LMBR1: variants seen among roughly 807,000 people sequenced by gnomAD.
LMBR1 encodes limb region 1 protein homolog.
A neutral mutation model predicts 73.9 loss-of-function variants in LMBR1; 52 were observed. That is an observed-to-expected ratio of 0.70 (90% CI 0.56 to 0.89). LMBR1 has a LOEUF of 0.89. Ranked by LOEUF, LMBR1 falls within the 40% of genes least tolerant of loss-of-function variation. The probability of loss-of-function intolerance (pLI) is 0.00; values close to 1 mark genes in which losing one functional copy is unlikely to be tolerated. For missense variants in LMBR1, 539 were observed against 579.8 expected (o/e 0.93, Z 0.72); for synonymous variants, 215 against 209.4 (o/e 1.03, Z -0.23).
chr7:156,790,398 A>C (rs978719100), intron 5 of LMBR1, among the ~76,000 whole-genome samples: 2 of 152,096 alleles, frequency 1.3e-5, no homozygotes, highest in Non-Finnish European at 2.9e-5. Context: ...ATGTGGACAC[A>C]ATGAAATATG....
intron 1 of LMBR1, among the ~76,000 whole-genome samples, chr7:156,871,166 T>C (rs888074774): frequency 2.6e-5 from 4 of 152,164 alleles, no homozygotes; most frequent in African/African-American, 9.6e-5. Context: ...AACAGCCATA[T>C]GCCAACAAAC....
At chr7:156,689,090 G>A (rs1028719469) in intron 15 of LMBR1, among the ~76,000 whole-genome samples, 6 of 152,046 alleles carry the variant, frequency 3.9e-5, no homozygotes, top group African/African-American at 1.4e-4. Context: ...CTTAAAAATA[G>A]TTTAAATAGT....
chr7:156,886,498 A>G (rs1167161581), intron 1 of LMBR1, among the ~76,000 whole-genome samples: 1 of 152,226 alleles, frequency 6.6e-6, no homozygotes, highest in African/African-American at 2.4e-5. Flanking sequence ...GAAGGCACTG[A>G]AGTGCACAGC....
chr7:156,718,238 A>G (rs1055543385), intron 15 of LMBR1, among the ~76,000 whole-genome samples: 2 of 151,986 alleles, frequency 1.3e-5, no homozygotes, highest in Non-Finnish European at 2.9e-5. Context: ...CGTCTCTACT[A>G]AAAATACAAA....
chr7:156,892,694 G>A (rs1284273601), intron 1 of LMBR1: 5 of 332,024 alleles, frequency 1.5e-5, no homozygotes, highest in African/African-American at 2.6e-5. Flanking sequence ...AGGCAAGAGC[G>A]GAGCGGGGGG....
chr7:156,879,529 T>C (rs1167102448), intron 1 of LMBR1, among the ~76,000 whole-genome samples: 1 of 152,002 alleles, frequency 6.6e-6, no homozygotes, highest in Non-Finnish European at 1.5e-5. Flanking sequence ...CCAGGCGTGG[T>C]GGCAGGTGCC....
At chr7:156,846,317 G>A (rs1355529310) in intron 1 of LMBR1, among the ~76,000 whole-genome samples, 1 of 151,876 alleles carries the variant, frequency 6.6e-6, no homozygotes, top group East Asian at 1.9e-4. Context: ...AAACAAAGAT[G>A]CCAAATATGC....
chr7:156,797,323 T>TA (rs1357751900), intron 4 of LMBR1, among the ~76,000 whole-genome samples: 3 of 152,064 alleles, frequency 2.0e-5, no homozygotes, highest in Non-Finnish European at 2.9e-5. Context: ...TTTTTACAGG[T>TA]AAAAAAATAA....
chr7:156,756,354 A>AT (rs545488053), intron 9 of LMBR1, 39 bp downstream of exon 9: 12 of 982,714 alleles, frequency 1.2e-5, no homozygotes, highest in African/African-American at 4.9e-5. Flanking sequence ...AATTAAAAAG[A>AT]TTTTTTTATC....
At position 156,678,125 on chromosome 7, in the gene LMBR1, G is replaced by C. The variant is rs1804390853; in HGVS notation, c.*5953C>G. On this transcript the variant is annotated 3_prime_UTR_variant, in exon 17 of 17. Coordinates refer to ENST00000353442, the MANE Select transcript of LMBR1 (RefSeq NM_022458.4). Reference sequence around the variant, plus strand: ...TCCGGGGCTTTCTCATCACATCTGTGAGCCATGCCATCCACCCCGTAAACC... The same window carrying C: ...TCCGGGGCTTTCTCATCACATCTGTCAGCCATGCCATCCACCCCGTAAACC... 1.3e-5 allele frequency: 2 copies of C among 152,282 alleles called. No individual in the cohort carries two copies. The highest frequency in any genetic ancestry group is 2.1e-4 in the South Asian group (1 of 4,830). The allele number at this position is 152,282 out of a possible 1,614,324, so 9.4% of individuals were successfully genotyped here.
downstream of LMBR1, chr7:156,676,133 G>A (rs890143212): frequency 2.8e-5 from 26 of 942,432 alleles, no homozygotes; most frequent in Middle Eastern, 6.6e-4. Flanking sequence ...TTAGGGTGAC[G>A]GCAAAGGTCC....
intron 9 of LMBR1, among the ~76,000 whole-genome samples, chr7:156,753,753 G>T (rs1821327818): frequency 1.3e-5 from 2 of 152,096 alleles, no homozygotes; most frequent in Non-Finnish European, 2.9e-5. Context: ...GTGCTGTGGG[G>T]AAGGGGAAGG....
At position 156,783,998 on chromosome 7, in the gene LMBR1, GT is replaced by G. The variant is rs59262090; in HGVS notation, c.423+12390del. Among the ~76,000 whole-genome samples the G allele has an allele frequency of 2.3e-3, 317 of 135,908 alleles. 1 individual carries two copies. The highest frequency in any genetic ancestry group is 2.5e-3 in the Non-Finnish European group (154 of 61,534). 89.2% of individuals were successfully genotyped at this position (135,908 alleles called of 152,430 possible). A position where few individuals can be genotyped will look rare whatever the true frequency, so the allele number is the denominator to read the frequency against. On this transcript the variant is annotated intron_variant, in intron 5 of 16. Coordinates refer to ENST00000353442, the MANE Select transcript of LMBR1 (RefSeq NM_022458.4). ...TTTTTGTTATTTTGGGTTTTTTTCT[GT>G]TTTTTTTTTTTTTACAGCATCACAC...
intron 5 of LMBR1, among the ~76,000 whole-genome samples, chr7:156,768,383 A>C (rs771958503): frequency 6.6e-6 from 1 of 152,168 alleles, no homozygotes; most frequent in Non-Finnish European, 1.5e-5. Flanking sequence ...AAAGTAAATA[A>C]ATAAATACAA....
rs1457322082 is a variant in LMBR1, at chr7:156,686,000, C to A, written c.1388-1837G>T. Among the ~76,000 whole-genome samples, 3 of 152,078 alleles carry A rather than the reference C, an allele frequency of 2.0e-5. No homozygotes were observed. The highest frequency in any genetic ancestry group is 7.2e-5 in the African/African-American group (3 of 41,406). ...ATGGGAAGGGAAAAAAGAAATCAAT[C>A]CAACACAAAAAATGGTCAGGTCCCA... On this transcript the variant is annotated intron_variant, in intron 16 of 16. Transcript: ENST00000353442. This position sits in a 1 kb window ranked among gnomAD's most constrained non-coding sequence, Gnocchi z 4.1.
Position 156,800,482 on chromosome 7 carries a change from C to CAA in LMBR1, c.320-3992_320-3991dup, listed in dbSNP as rs1245017996. On this transcript the variant is annotated intron_variant, in intron 4 of 16. Coordinates refer to ENST00000353442, the MANE Select transcript of LMBR1 (RefSeq NM_022458.4). ...AAGCCTACTGTTAAGACTTGCTACT[C>CAA]AAAAAAAAAAAAAAAAAAGATTTTC... 1.7e-3 allele frequency among the ~76,000 whole-genome samples: 135 copies of CAA among 81,016 alleles called. 4 individuals are homozygous for CAA. Among genetic ancestry groups the CAA allele is most frequent in the African/African-American group, 5.4e-3 (111 of 20,516 alleles). 53.1% of individuals were successfully genotyped at this position (81,016 alleles called of 152,430 possible).
At chr7:156,824,093 A>C (rs899647850) in intron 4 of LMBR1, among the ~76,000 whole-genome samples, 4 of 150,088 alleles carry the variant, frequency 2.7e-5, no homozygotes, top group Admixed American at 6.6e-5. Flanking sequence ...CCATCTCAAA[A>C]AACAACAACA....
chr7:156,842,397 C>T (rs76377594), intron 1 of LMBR1, among the ~76,000 whole-genome samples: 3,511 of 140,672 alleles, frequency 0.025, 233 homozygotes, highest in Middle Eastern at 0.049. Flanking sequence ...TTAAGATGTG[C>T]GTTATATTAT....
At chr7:156,856,448 G>A (rs183264854) in intron 1 of LMBR1, among the ~76,000 whole-genome samples, 50 of 152,110 alleles carry the variant, frequency 3.3e-4, no homozygotes, top group Non-Finnish European at 2.6e-4. Context: ...ATGAACGGTG[G>A]CTGGGCTCAT....
Sources: allele counts gnomAD v4.1 joint callset (sites outside exome capture counted in the v4.1 genomes callset), GRCh38; gene constraint gnomAD v4.1.1; non-coding constraint Gnocchi (gnomAD v3.1); transcripts MANE v1.5; gene names NCBI Gene and HGNC (gene_info 2026-07-23, HGNC 2026-07-21).